Variants in GDPGP1 observed in about 807,000 individuals in gnomAD.
The protein encoded by GDPGP1 is GDP-D-glucose phosphorylase 1, also known as GDP-D-glucose phosphorylase C15orf58.
GDPGP1 carries 18 observed loss-of-function variants against 19.2 expected under a neutral mutation model. The observed-to-expected ratio is 0.94, with a 90% CI of 0.65 to 1.39. GDPGP1 has a LOEUF of 1.39. Among genes scored for constraint, GDPGP1 ranks in the 40% most tolerant of loss-of-function variants. The pLI is 0.00. For synonymous variants in GDPGP1, 219 were observed against 208.9 expected, an observed-to-expected ratio of 1.05 and a Z score of -0.42; for missense variants, 449 against 490.5, an observed-to-expected ratio of 0.92 and a Z score of 0.80.
At chr15:90,238,387 G>A (rs183321224) in intron 2 of GDPGP1, 105 bp from the exon 3 acceptor site, 4 of 152,354 alleles carry the variant, frequency 2.6e-5, no homozygotes, top group East Asian at 1.9e-4. Flanking sequence ...TCTCCAGGAC[G>A]TTTTCATCTT....
At chr15:90,234,778 C>T (rs1270626007) in intron 2 of GDPGP1, among the ~76,000 whole-genome samples, 182 bp downstream of exon 2, 1 of 152,204 alleles carries the variant, frequency 6.6e-6, no homozygotes, top group Non-Finnish European at 1.5e-5. Context: ...CCCTAGACTG[C>T]TGACCCTTTG....
In GDPGP1 at chr15:90,244,966, C is replaced by A. The variant is rs895284611; in HGVS notation, c.*2900C>A. 4.6e-5 allele frequency: 7 copies of A among 152,256 alleles called. No homozygotes were observed. The highest frequency in any genetic ancestry group is 6.5e-5 in the Admixed American group (1 of 15,272). The allele number at this position is 152,256 out of a possible 1,614,324, so 9.4% of individuals were successfully genotyped here. A position where few individuals can be genotyped will look rare whatever the true frequency, so the allele number is the denominator to read the frequency against. ...GGCTCACACAGGTGGGTTCTGGCTG[C>A]TGTCTGAGTGGGCTCACCCAGGAGG... On this transcript the variant is annotated 3_prime_UTR_variant, in exon 4 of 4. Coordinates refer to ENST00000329600, the MANE Select transcript of GDPGP1 (RefSeq NM_001013657.3).
chr15:90,241,862 C>A lies in GDPGP1; in HGVS notation c.954C>A (p.Ser318=). The A allele has an allele frequency of 6.2e-7, 1 of 1,614,160 alleles. No individual in the cohort carries two copies. The highest frequency in any genetic ancestry group is 8.5e-7 in the Non-Finnish European group (1 of 1,180,034). ...GVRVILWARK[S]SFGIKDGEAF... ...GAGTAATTCTGTGGGCCCGGAAGTC[C>A]AGCTTTGGGATAAAGGACGGTGAAG... Residue 318 remains serine, a synonymous_variant, in exon 4 of 4, where the codon TCC becomes TCA. Transcript: ENST00000329600.
At position 90,234,245 on chromosome 15, in the gene GDPGP1, CG is replaced by C. The variant is rs1468203173; in HGVS notation, c.-187del. The C allele has an allele frequency of 2.2e-5, 5 of 229,692 alleles. No individual in the cohort carries two copies. The highest frequency in any genetic ancestry group is 4.2e-5 in the Non-Finnish European group (5 of 118,790). The allele number at this position is 229,692 out of a possible 1,614,324, so 14.2% of individuals were successfully genotyped here. Reference sequence around the variant, plus strand: ...GGGCGTCATGACCTCGCTGTGGCCCCGGCAGCGGCTGCGGGGAAAGTCGCGA... The same window carrying C: ...GGGCGTCATGACCTCGCTGTGGCCCCGCAGCGGCTGCGGGGAAAGTCGCGA... On this transcript the variant is annotated 5_prime_UTR_variant, in exon 1 of 4. It introduces an in-frame stop codon into an upstream open reading frame of the 5' UTR. Coordinates refer to ENST00000329600, the MANE Select transcript of GDPGP1 (RefSeq NM_001013657.3).
At chr15:90,238,042 G>C (rs1000915361) in intron 2 of GDPGP1, among the ~76,000 whole-genome samples, 1 of 152,220 alleles carries the variant, frequency 6.6e-6, no homozygotes, top group Non-Finnish European at 1.5e-5. Flanking sequence ...GCTCACGCCT[G>C]TAATCCCAGC....
Position 90,241,055 on chromosome 15 carries a change from C to T in GDPGP1, c.147C>T (p.Gly49=), listed in dbSNP as rs1596178989. 1 of 1,614,166 alleles carries T rather than the reference C, an allele frequency of 6.2e-7. No homozygotes were observed. Among genetic ancestry groups the T allele is most frequent in the Non-Finnish European group, 8.5e-7 (1 of 1,179,988 alleles). ...EGIQWPRNAP[G]IPDALPQSPF... ...TTCAGTGGCCAAGGAATGCACCTGG[C>T]ATCCCAGATGCTCTGCCACAATCTC... Residue 49 remains glycine (G), a synonymous_variant, in exon 4 of 4, where the codon GGC becomes GGT. Coordinates refer to ENST00000329600, the MANE Select transcript of GDPGP1 (RefSeq NM_001013657.3).
At chr15:90,239,635 C>T (rs528140096) in intron 3 of GDPGP1, among the ~76,000 whole-genome samples, 20 of 152,308 alleles carry the variant, frequency 1.3e-4, no homozygotes, top group South Asian at 2.1e-4. Flanking sequence ...CACCGGGCCC[C>T]TCCCACAACA....
Position 90,241,212 on chromosome 15 carries a change from C to A in GDPGP1, c.304C>A (p.Arg102Ser), listed in dbSNP as rs199651638. 53 of 1,614,024 alleles carry A rather than the reference C, an allele frequency of 3.3e-5. No homozygotes were observed. The highest frequency in any genetic ancestry group is 4.5e-5 in the Non-Finnish European group (53 of 1,180,024). Residue 102 changes from arginine (R) to serine (S), a missense_variant, in exon 4 of 4, where the codon CGT becomes AGT. Arg to Ser is a moderately radical substitution (Grantham distance 110). Coordinates refer to ENST00000329600, the MANE Select transcript of GDPGP1 (RefSeq NM_001013657.3). The part of the protein sequence containing the change: ...VGFVAQLNVE[R>S]GVQRRPPQTI... ...TTTCGTGGCTCAGCTGAATGTGGAGCGTGGTGTGCAGAGGAGGCCCCCGCA... is the reference window on the plus strand; with the variant it reads ...TTTCGTGGCTCAGCTGAATGTGGAGAGTGGTGTGCAGAGGAGGCCCCCGCA...
chr15:90,235,867 C>T (rs971314979), intron 2 of GDPGP1, among the ~76,000 whole-genome samples: 4 of 151,990 alleles, frequency 2.6e-5, no homozygotes, highest in Admixed American at 6.6e-5. Flanking sequence ...CGTGCCCGGC[C>T]GATCATTTTT....
rs1962795833 is a variant in GDPGP1, at chr15:90,242,896, A to G, written c.*830A>G. On this transcript the variant is annotated 3_prime_UTR_variant, in exon 4 of 4. Coordinates refer to ENST00000329600, the MANE Select transcript of GDPGP1 (RefSeq NM_001013657.3). ...CTGATAATGATCTCTTAAAGGGGAG[A>G]AAGATAATGGTCTCTTTAAAGGGGA... 1 of 152,186 alleles carries G rather than the reference A, an allele frequency of 6.6e-6. No individual in the cohort carries two copies. The highest frequency in any genetic ancestry group is 1.5e-5 in the Non-Finnish European group (1 of 68,040). 9.4% of individuals were successfully genotyped at this position (152,186 alleles called of 1,614,324 possible).
rs1962748211 is a variant in GDPGP1 at position 90,241,206 on chromosome 15, G to A, written c.298G>A (p.Val100Met). The change falls in exon 4 of 4, where the codon GTG (valine) becomes ATG (methionine). Residue 100 changes from valine to methionine, a missense_variant. Coordinates refer to ENST00000329600, the MANE Select transcript of GDPGP1 (RefSeq NM_001013657.3). ...GAVGFVAQLN[V>M]ERGVQRRPPQ... ...TGTGGGTTTCGTGGCTCAGCTGAAT[G>A]TGGAGCGTGGTGTGCAGAGGAGGCC... 2 of 1,614,176 alleles carry A rather than the reference G, an allele frequency of 1.2e-6. No individual in the cohort carries two copies. Among genetic ancestry groups the A allele is most frequent in the Non-Finnish European group, 1.7e-6 (2 of 1,180,028 alleles).
In GDPGP1 at chr15:90,242,039, G is replaced by A. The variant is rs753265269; in HGVS notation, c.1131G>A (p.Val377=). The change falls in exon 4 of 4, where the codon GTG becomes GTA. Residue 377 remains valine (V), a synonymous_variant. Transcript: ENST00000329600. ...CAGAAGACGTACAGGCAGCACTGGT[G>A]GCCCTGATGTCCCAGGAAGAGCAAT... ...SQAEDVQAAL[V]ALMSQEEQ is the part of the protein sequence containing the mutation. 1.2e-6 allele frequency: 2 copies of A among 1,609,302 alleles called. No homozygotes were observed. Among genetic ancestry groups the A allele is most frequent in the Admixed American group, 3.4e-5 (2 of 58,820 alleles).
chr15:90,244,772 T>C lies in GDPGP1; in HGVS notation c.*2706T>C, dbSNP rs963442515. 6.6e-5 allele frequency: 10 copies of C among 152,204 alleles called. No homozygotes were observed. Among genetic ancestry groups the C allele is most frequent in the African/African-American group, 1.9e-4 (8 of 41,402 alleles). The allele number at this position is 152,204 out of a possible 1,614,324, so 9.4% of individuals were successfully genotyped here. ...AGGCGGAGGTTGCAGTGAGCTGAGA[T>C]TGCACGACTGTACTCCAGCCTGGGC... On this transcript the variant is annotated 3_prime_UTR_variant, in exon 4 of 4. Coordinates refer to ENST00000329600, the MANE Select transcript of GDPGP1 (RefSeq NM_001013657.3).
rs889091667 is a variant in GDPGP1 at position 90,243,078 on chromosome 15, AGATTTT to A, written c.*1014_*1019del. ...GTTACACACTCCTGACTTTACATTT[AGATTTT>A]GTCTTCCTTTGATATCAAATGTTAG... On this transcript the variant is annotated 3_prime_UTR_variant, in exon 4 of 4. Coordinates refer to ENST00000329600, the MANE Select transcript of GDPGP1 (RefSeq NM_001013657.3). The A allele has an allele frequency of 6.6e-6, 1 of 152,118 alleles. No homozygotes were observed. The highest frequency in any genetic ancestry group is 2.4e-5 in the African/African-American group (1 of 41,412). 9.4% of individuals were successfully genotyped at this position (152,118 alleles called of 1,614,324 possible). A position where few individuals can be genotyped will look rare whatever the true frequency, so the allele number is the denominator to read the frequency against.
At chr15:90,237,283 CTTTTTT>C (rs35595704) in intron 2 of GDPGP1, among the ~76,000 whole-genome samples, 1 of 113,244 alleles carries the variant, frequency 8.8e-6, no homozygotes, top group Non-Finnish European at 1.7e-5. Context: ...CTTTTTTTCC[CTTTTTT>C]TTTTTTTTTT....
chr15:90,239,950 G>A (rs534857754), intron 3 of GDPGP1, among the ~76,000 whole-genome samples: 16 of 152,010 alleles, frequency 1.1e-4, no homozygotes, highest in Non-Finnish European at 1.8e-4. Flanking sequence ...GTGGCTGGGC[G>A]CAGTGGCTCA....
chr15:90,241,367 C>T lies in GDPGP1; in HGVS notation c.459C>T (p.Ile153=). The T allele has an allele frequency of 6.2e-7, 1 of 1,614,184 alleles. No individual in the cohort carries two copies. Among genetic ancestry groups the T allele is most frequent in the Non-Finnish European group, 8.5e-7 (1 of 1,180,044 alleles). The change falls in exon 4 of 4, where the codon ATC becomes ATT. Residue 153 remains isoleucine, a synonymous_variant. Coordinates refer to ENST00000329600, the MANE Select transcript of GDPGP1 (RefSeq NM_001013657.3). ...CTGGGACTCTGCTGCAAGAAGACAT[C>T]CTGGTGGTGATCAACGTCAGCCCCC... ...DLPGTLLQED[I]LVVINVSPLE... is the part of the protein sequence containing the mutation.
At position 90,241,080 on chromosome 15, in the gene GDPGP1, C is replaced by G. The variant is rs202104753; in HGVS notation, c.172C>G (p.Pro58Ala). The change falls in exon 4 of 4, where the codon CCC (proline) becomes GCC (alanine). Residue 58 changes from proline (P) to alanine (A), a missense_variant. Transcript: ENST00000329600. ...CATCCCAGATGCTCTGCCACAATCT[C>G]CCTTTGATGCTGCACTCTGCTCTGC... is the stretch of plus-strand genomic sequence containing the variant. ...PGIPDALPQS[P>A]FDAALCSAWK... The G allele has an allele frequency of 6.2e-7, 1 of 1,614,198 alleles. No individual in the cohort carries two copies. The highest frequency in any genetic ancestry group is 2.2e-5 in the East Asian group (1 of 44,888).
chr15:90,235,669 G>A (rs1962619502), intron 2 of GDPGP1, among the ~76,000 whole-genome samples: 1 of 151,716 alleles, frequency 6.6e-6, no homozygotes, highest in Non-Finnish European at 1.5e-5. Context: ...CTGGGTTCAC[G>A]CCATTCTTCT....
Sources: allele counts gnomAD v4.1 joint callset (sites outside exome capture counted in the v4.1 genomes callset), GRCh38; gene constraint gnomAD v4.1.1; transcripts MANE v1.5; gene names NCBI Gene and HGNC (gene_info 2026-07-23, HGNC 2026-07-21).